The following TAFA1 variants were observed in gnomAD, a reference collection of about 807,000 sequenced individuals.
TAFA1 encodes TAFA chemokine like family member 1.
A neutral mutation model predicts 18.5 loss-of-function variants in TAFA1; 4 were observed. The ratio of observed to expected loss-of-function variants is 0.22; its 90% CI spans 0.11 to 0.49. TAFA1 has a LOEUF of 0.49. Among genes scored for constraint, TAFA1 ranks in the 20% least tolerant of loss-of-function variants. The pLI is 0.98. For synonymous variants in TAFA1, 56 were observed against 55.2 expected, an observed-to-expected ratio of 1.01 and a Z score of -0.06; for missense variants, 147 against 169.0, an observed-to-expected ratio of 0.87 and a Z score of 0.72.
intron 2 of TAFA1, among the ~76,000 whole-genome samples, chr3:68,273,079 T>C (rs2067709380): frequency 1.3e-5 from 2 of 151,956 alleles, no homozygotes; most frequent in African/African-American, 4.8e-5. Context: ...TGCCACAGGC[T>C]ATGAAAAAAA....
chr3:68,477,541 A>AT (rs940055669), intron 3 of TAFA1, among the ~76,000 whole-genome samples: 51 of 147,142 alleles, frequency 3.5e-4, no homozygotes, highest in Middle Eastern at 3.5e-3. Flanking sequence ...TGCTTGGCTA[A>AT]TTTTTTTTTT....
chr3:68,339,928 C>T (rs1206281301), intron 2 of TAFA1, among the ~76,000 whole-genome samples: 1 of 152,210 alleles, frequency 6.6e-6, no homozygotes, highest in Non-Finnish European at 1.5e-5. Flanking sequence ...TCACAAAATG[C>T]AGCTATGAGA....
At position 68,188,522 on chromosome 3, in the gene TAFA1, TAGAG is replaced by T. The variant is rs56352696; in HGVS notation, c.118+181795_118+181798del. Among the ~76,000 whole-genome samples the T allele has an allele frequency of 8.1e-3, 1,167 of 143,930 alleles. 20 individuals carry two copies. The highest frequency in any genetic ancestry group is 0.026 in the African/African-American group (1,041 of 39,638). 94.4% of individuals were successfully genotyped at this position (143,930 alleles called of 152,430 possible). On this transcript the variant is annotated intron_variant, in intron 2 of 4. Coordinates refer to ENST00000478136, the MANE Select transcript of TAFA1 (RefSeq NM_213609.4). ...GTATATATATTTATATATATATATA[TAGAG>T]AGAGAGAGAGAGAGAGTACCATCAG...
intron 3 of TAFA1, among the ~76,000 whole-genome samples, chr3:68,488,227 C>T (rs1403688402): frequency 1.3e-5 from 2 of 152,148 alleles, no homozygotes; most frequent in Non-Finnish European, 2.9e-5. Flanking sequence ...AGTCCCAAAG[C>T]TGAAGAACTT....
intron 2 of TAFA1, among the ~76,000 whole-genome samples, chr3:68,293,585 C>T (rs563006048): frequency 6.6e-6 from 1 of 152,314 alleles, no homozygotes; most frequent in African/African-American, 2.4e-5. Flanking sequence ...ATAGTAGCAT[C>T]TGCATCCTTG....
At chr3:68,156,337 C>G (rs1381706572) in intron 2 of TAFA1, among the ~76,000 whole-genome samples, 1 of 152,160 alleles carries the variant, frequency 6.6e-6, no homozygotes, top group Non-Finnish European at 1.5e-5. Context: ...GGCATGCAAT[C>G]TGAGTTTGTA....
rs537759192 is a variant in TAFA1 at position 68,011,153 on chromosome 3, C to T, written c.118+4409C>T. ...TGGGGGGTGGTGGGGGGGTGGGTGTCCTTGAAACTTAGTAAAATATAAATC... is the reference window on the plus strand; with the variant it reads ...TGGGGGGTGGTGGGGGGGTGGGTGTTCTTGAAACTTAGTAAAATATAAATC... On this transcript the variant is annotated intron_variant, in intron 2 of 4. Transcript: ENST00000478136. Among the ~76,000 whole-genome samples the T allele has an allele frequency of 1.7e-4, 25 of 151,406 alleles. 1 individual carries two copies. In the South Asian group the frequency reaches 4.6e-3, roughly 28 times the overall value.
chr3:68,067,933 G>A (rs2064702380), intron 2 of TAFA1, among the ~76,000 whole-genome samples: 1 of 151,956 alleles, frequency 6.6e-6, no homozygotes, highest in African/African-American at 2.4e-5. Context: ...ACTAGGAAAT[G>A]CTTTACAAAA....
At chr3:68,228,706 G>C (rs767369245) in intron 2 of TAFA1, among the ~76,000 whole-genome samples, 4 of 152,190 alleles carry the variant, frequency 2.6e-5, no homozygotes, top group Non-Finnish European at 5.9e-5. Flanking sequence ...ATATATGCAA[G>C]TTTAATGGAC....
intron 2 of TAFA1, among the ~76,000 whole-genome samples, chr3:68,091,484 T>G (rs1359179570): frequency 6.6e-6 from 1 of 152,144 alleles, no homozygotes; most frequent in Non-Finnish European, 1.5e-5. Context: ...TTCCTCAGTC[T>G]GCCAGGTGCT....
intron 2 of TAFA1, among the ~76,000 whole-genome samples, chr3:68,181,288 A>C (rs1372249555): frequency 1.3e-5 from 2 of 151,948 alleles, no homozygotes; most frequent in Non-Finnish European, 2.9e-5. Flanking sequence ...TCTTGTTTTA[A>C]GCTGCTGAAA....
At chr3:68,167,979 C>T (rs1370872619) in intron 2 of TAFA1, among the ~76,000 whole-genome samples, 6 of 151,930 alleles carry the variant, frequency 3.9e-5, no homozygotes, top group Non-Finnish European at 7.4e-5. Flanking sequence ...CAACTTTGCA[C>T]CTAAATGTAA....
chr3:68,019,613 C>G (rs568290502), intron 2 of TAFA1, among the ~76,000 whole-genome samples: 1 of 152,276 alleles, frequency 6.6e-6, no homozygotes, highest in African/African-American at 2.4e-5. Context: ...GTGATTTGAT[C>G]ATTTGCAGCA....
At chr3:68,033,739 C>A (rs1704987000) in intron 2 of TAFA1, among the ~76,000 whole-genome samples, 1 of 152,128 alleles carries the variant, frequency 6.6e-6, no homozygotes, top group African/African-American at 2.4e-5. Context: ...GGAAGAGGAA[C>A]TGGAATATAT....
At chr3:68,445,234 C>T (rs2071455013) in intron 3 of TAFA1, among the ~76,000 whole-genome samples, 3 of 152,056 alleles carry the variant, frequency 2.0e-5, no homozygotes, top group South Asian at 2.1e-4. Context: ...TGTATAGTAC[C>T]TTTTCTATTT....
chr3:68,074,447 T>A (rs182826140), intron 2 of TAFA1, among the ~76,000 whole-genome samples: 1 of 152,178 alleles, frequency 6.6e-6, no homozygotes, highest in East Asian at 1.9e-4. Context: ...TATCCCAGTG[T>A]AACTATTTCC....
intron 2 of TAFA1, among the ~76,000 whole-genome samples, chr3:68,008,483 C>T (rs1704407966): frequency 6.6e-6 from 1 of 152,144 alleles, no homozygotes; most frequent in African/African-American, 2.4e-5. Flanking sequence ...CAGTTTAATC[C>T]TTATGCAAGT....
chr3:68,338,459 C>G (rs1462760553), intron 2 of TAFA1, among the ~76,000 whole-genome samples: 1 of 152,166 alleles, frequency 6.6e-6, no homozygotes, highest in East Asian at 1.9e-4. Context: ...TAAATGCTAT[C>G]TAATAAAAAT....
At chr3:68,095,414 A>T (rs1327825636) in intron 2 of TAFA1, among the ~76,000 whole-genome samples, 1 of 152,160 alleles carries the variant, frequency 6.6e-6, no homozygotes, top group Non-Finnish European at 1.5e-5. Context: ...CTCAGACATA[A>T]AAAGCTTTCT....
Sources: gnomAD v4.1 joint callset for allele counts (sites outside exome capture counted in the v4.1 genomes callset) on GRCh38, gnomAD v4.1.1 for gene constraint, MANE v1.5 for transcripts, NCBI Gene and HGNC (gene_info 2026-07-23, HGNC 2026-07-21) for gene names.